CCDC3: variants seen among roughly 807,000 people sequenced by gnomAD.
CCDC3 encodes the protein coiled-coil domain containing 3.
A neutral mutation model predicts 21.4 loss-of-function variants in CCDC3; 24 were observed. The ratio of observed to expected loss-of-function variants is 1.12; its 90% CI spans 0.81 to 1.58. CCDC3 has a LOEUF of 1.58. CCDC3 is among the 40% of genes most tolerant of loss of function. The pLI is 0.00. For missense variants in CCDC3, 425 were observed against 360.9 expected, an observed-to-expected ratio of 1.18 and a Z score of -1.44; for synonymous variants, 186 against 166.0, an observed-to-expected ratio of 1.12 and a Z score of -0.93.
chr10:13,068,376 A>G (rs972681609), intron 4 of CCDC3, among the ~76,000 whole-genome samples: 3 of 152,112 alleles, frequency 2.0e-5, no homozygotes, highest in Non-Finnish European at 4.4e-5. Context: ...GCTCTACTTC[A>G]TTGACTTAAA....
chr10:12,952,721 G>A (rs1296315016), intron 2 of CCDC3, among the ~76,000 whole-genome samples: 1 of 152,082 alleles, frequency 6.6e-6, no homozygotes, highest in Non-Finnish European at 1.5e-5. Flanking sequence ...CAGTCATTTT[G>A]GGAGCCCAGC....
chr10:13,084,842 C>T (rs1287742758), intron 3 of CCDC3, among the ~76,000 whole-genome samples: 1 of 152,138 alleles, frequency 6.6e-6, no homozygotes, highest in African/African-American at 2.4e-5. Context: ...AAGGAGAGCA[C>T]AGTATGGGTG....
chr10:13,001,629 CG>C lies in CCDC3; in HGVS notation c.-60del. The C allele has an allele frequency of 1.9e-6, 2 of 1,064,642 alleles. No individual in the cohort carries two copies. The highest frequency in any genetic ancestry group is 2.3e-6 in the Non-Finnish European group (2 of 879,898). 65.9% of individuals were successfully genotyped at this position (1,064,642 alleles called of 1,614,324 possible). A position where few individuals can be genotyped will look rare whatever the true frequency, so the allele number is the denominator to read the frequency against. ...GGGGAGCCCGGGGAGCCCGCCGGCCCGGGAAGGGCAGCCCTGGGCGCTCGGC... is the reference window on the plus strand; with the variant it reads ...GGGGAGCCCGGGGAGCCCGCCGGCCCGGAAGGGCAGCCCTGGGCGCTCGGC... On this transcript the variant is annotated 5_prime_UTR_variant, in exon 1 of 3. Transcript: ENST00000378825.
intron 5 of CCDC3, among the ~76,000 whole-genome samples, chr10:13,042,160 G>GT (rs2131418907): frequency 6.6e-6 from 1 of 152,328 alleles, no homozygotes; most frequent in South Asian, 2.1e-4. Flanking sequence ...GTGTGATCCC[G>GT]TGCAAATCAC....
intron 2 of CCDC3, among the ~76,000 whole-genome samples, chr10:12,928,109 A>G (rs1834574783): frequency 6.6e-6 from 1 of 152,214 alleles, no homozygotes; most frequent in Non-Finnish European, 1.5e-5. Flanking sequence ...TGGCAAAGCA[A>G]TGCTGTTCAA....
Position 12,988,045 on chromosome 10 carries a change from G to A in CCDC3, c.549+10293C>T, listed in dbSNP as rs536851526. On this transcript the variant is annotated intron_variant, in intron 2 of 2. Coordinates refer to ENST00000378825, the MANE Select transcript of CCDC3 (RefSeq NM_031455.4). ...AAGGCTCATCACGTCTCACCACGCC[G>A]TTCAATGGCTCCCCAAATCACAAAG... is the stretch of plus-strand genomic sequence containing the variant. Among the ~76,000 whole-genome samples, 7 of 152,218 alleles carry A rather than the reference G, an allele frequency of 4.6e-5. No homozygotes were observed. In the South Asian group the frequency reaches 6.2e-4, roughly 14 times the overall value.
At chr10:13,056,963 T>C (rs899280048) in intron 4 of CCDC3, among the ~76,000 whole-genome samples, 2 of 152,158 alleles carry the variant, frequency 1.3e-5, no homozygotes, top group African/African-American at 2.4e-5. Context: ...GGCCCCACTT[T>C]GCCATTATCT....
At chr10:12,995,060 C>A (rs1000927414) in intron 2 of CCDC3, among the ~76,000 whole-genome samples, 2 of 145,846 alleles carry the variant, frequency 1.4e-5, no homozygotes, top group Non-Finnish European at 3.0e-5. Context: ...CTAGCCTGGT[C>A]TACAGAGTGA....
In CCDC3 at chr10:12,929,811, C is replaced by T. The variant is rs530451484; in HGVS notation, c.550-31132G>A. 5.9e-5 allele frequency among the ~76,000 whole-genome samples: 9 copies of T among 152,046 alleles called. No homozygotes were observed. The South Asian group carries it at 6.2e-4, about 11-fold the overall frequency. ...ATGATGGTAGTTTAATGCAATGGGG[C>T]GGGGGGATGATCAAACACATGTAAA... On this transcript the variant is annotated intron_variant, in intron 2 of 2. Transcript: ENST00000378825.
At chr10:12,907,738 T>C (rs1834196738) in intron 2 of CCDC3, among the ~76,000 whole-genome samples, 1 of 152,196 alleles carries the variant, frequency 6.6e-6, no homozygotes, top group Admixed American at 6.5e-5. Context: ...GCCTTTTCCT[T>C]ACTTTCCTTT....
chr10:12,909,532 G>A (rs1834232257), intron 2 of CCDC3, among the ~76,000 whole-genome samples: 1 of 152,202 alleles, frequency 6.6e-6, no homozygotes, highest in African/African-American at 2.4e-5. Context: ...TTGGGTCATT[G>A]CTGTTGCCCA....
chr10:13,052,977 CACACACACATACACACACACA>C (rs1564333746), intron 4 of CCDC3, among the ~76,000 whole-genome samples: 1 of 83,950 alleles, frequency 1.2e-5, no homozygotes, highest in African/African-American at 4.7e-5. Flanking sequence ...CACACACACA[CACACACACATACACACACACA>C]CCTAGAAGTT....
At chr10:13,045,892 C>T (rs1374134786) in intron 5 of CCDC3, among the ~76,000 whole-genome samples, 1 of 150,924 alleles carries the variant, frequency 6.6e-6, no homozygotes, top group African/African-American at 2.4e-5. Flanking sequence ...AGTTCAAGAC[C>T]AGCCAGGCCA....
intron 2 of CCDC3, among the ~76,000 whole-genome samples, chr10:12,970,359 T>A (rs1052128739): frequency 6.6e-6 from 1 of 152,162 alleles, no homozygotes; most frequent in African/African-American, 2.4e-5. Flanking sequence ...CAACTTACGG[T>A]GGGTTTATTG....
At chr10:12,986,081 G>T (rs1447615230) in intron 2 of CCDC3, among the ~76,000 whole-genome samples, 1 of 152,156 alleles carries the variant, frequency 6.6e-6, no homozygotes, top group African/African-American at 2.4e-5. Flanking sequence ...GATTACAGGC[G>T]TGAGCCACCG....
chr10:12,933,436 AGTT>A (rs1834682280), intron 2 of CCDC3, among the ~76,000 whole-genome samples: 1 of 148,730 alleles, frequency 6.7e-6, no homozygotes, highest in Admixed American at 6.9e-5. Flanking sequence ...GTGGGCATAG[AGTT>A]GTTGATAATA....
At chr10:13,011,844 A>G (rs927880166) in intron 5 of CCDC3, among the ~76,000 whole-genome samples, 1 of 152,212 alleles carries the variant, frequency 6.6e-6, no homozygotes, top group African/African-American at 2.4e-5. Context: ...TGGCACAAAA[A>G]CAGACAAATA....
chr10:13,010,463 G>T (rs1835971162), intron 5 of CCDC3, among the ~76,000 whole-genome samples: 1 of 152,098 alleles, frequency 6.6e-6, no homozygotes, highest in Non-Finnish European at 1.5e-5. Context: ...TAAAGATAAT[G>T]ACCATACCAA....
chr10:12,960,168 A>AACACACACACACACAACACACAC (rs1554756650), intron 2 of CCDC3, among the ~76,000 whole-genome samples: 4 of 148,748 alleles, frequency 2.7e-5, no homozygotes, highest in African/African-American at 5.0e-5. Context: ...ACACACACAC[A>AACACACACACACACAACACACAC]ACACACACAC....
Sources: allele counts gnomAD v4.1 joint callset (sites outside exome capture counted in the v4.1 genomes callset), GRCh38; gene constraint gnomAD v4.1.1; transcripts MANE v1.5; gene names NCBI Gene and HGNC (gene_info 2026-07-23, HGNC 2026-07-21).